The following PPP3R1 variants were observed in gnomAD, a reference collection of about 807,000 sequenced individuals.
PPP3R1 encodes protein phosphatase 3 regulatory subunit B, alpha, also known as calcineurin subunit B type 1.
A neutral mutation model predicts 22.6 loss-of-function variants in PPP3R1; 5 were observed. The observed-to-expected ratio is 0.22, with a 90% CI of 0.12 to 0.46. The LOEUF is 0.46. Among genes scored for constraint, PPP3R1 ranks in the 20% least tolerant of loss-of-function variants. The pLI, the probability that PPP3R1 is intolerant of heterozygous loss-of-function variation, is 0.99. For synonymous variants in PPP3R1, 56 were observed against 65.2 expected, an observed-to-expected ratio of 0.86 and a Z score of 0.68; for missense variants, 61 against 203.2, an observed-to-expected ratio of 0.30 and a Z score of 4.25.
intron 2 of PPP3R1, among the ~76,000 whole-genome samples, chr2:68,192,916 TTA>T (rs1674696079): frequency 6.6e-6 from 1 of 152,158 alleles, no homozygotes. Context: ...CTCCATTTCC[TTA>T]TAAACCTCCT....
At chr2:68,224,786 C>T (rs1377908423) in intron 1 of PPP3R1, among the ~76,000 whole-genome samples, 2 of 151,618 alleles carry the variant, frequency 1.3e-5, no homozygotes, top group Admixed American at 1.3e-4. Context: ...GAAAGGTTTC[C>T]AGGTAATTAA....
At chr2:68,237,797 A>G (rs909553803) in intron 1 of PPP3R1, among the ~76,000 whole-genome samples, 2 of 152,168 alleles carry the variant, frequency 1.3e-5, no homozygotes, top group African/African-American at 4.8e-5. Flanking sequence ...TAAGTGAAGG[A>G]TATCAAAGAT....
intron 2 of PPP3R1, among the ~76,000 whole-genome samples, chr2:68,210,227 T>C (rs1016594268): frequency 1.2e-4 from 19 of 152,312 alleles, no homozygotes; most frequent in South Asian, 4.1e-4. Flanking sequence ...TTCCCAACCA[T>C]TGTCCTTTCA....
intron 2 of PPP3R1, among the ~76,000 whole-genome samples, chr2:68,204,637 G>A (rs1010283706): frequency 1.3e-5 from 2 of 152,158 alleles, no homozygotes; most frequent in Non-Finnish European, 2.9e-5. Context: ...AGGCTAATAT[G>A]AGAATTAAAA....
In PPP3R1 at chr2:68,203,717, G is replaced by A. The variant is rs181335415; in HGVS notation, c.43+13375C>T. ...CTCCCTGAGACGAATGTGATTAAGA[G>A]CAGACATTAACAGCAAAGTTATTAT... On this transcript the variant is annotated intron_variant, in intron 2 of 5. Coordinates refer to ENST00000234310, the MANE Select transcript of PPP3R1 (RefSeq NM_000945.4). Among the ~76,000 whole-genome samples the A allele has an allele frequency of 2.6e-3, 390 of 152,224 alleles. 4 individuals are homozygous for A. Among genetic ancestry groups the A allele is most frequent in the African/African-American group, 9.1e-3 (379 of 41,534 alleles).
rs115258286 is a variant in PPP3R1 at position 68,197,290 on chromosome 2, G to A, written c.44-8600C>T. Among the ~76,000 whole-genome samples, 1,083 of 152,188 alleles carry A rather than the reference G, an allele frequency of 7.1e-3. 16 individuals are homozygous for A. The highest frequency in any genetic ancestry group is 0.024 in the African/African-American group (1,007 of 41,524). Reference sequence around the variant, plus strand: ...AATTTCATGTCTACAGGATCATACAGTAGGTACTCGCGTCTATCTTCTTTT... The same window carrying A: ...AATTTCATGTCTACAGGATCATACAATAGGTACTCGCGTCTATCTTCTTTT... On this transcript the variant is annotated intron_variant, in intron 2 of 5. Coordinates refer to ENST00000234310, the MANE Select transcript of PPP3R1 (RefSeq NM_000945.4).
chr2:68,213,982 T>C (rs1261662321), intron 2 of PPP3R1, among the ~76,000 whole-genome samples: 3 of 152,024 alleles, frequency 2.0e-5, no homozygotes, highest in Non-Finnish European at 2.9e-5. Flanking sequence ...TGGAACAGAA[T>C]AGAGAGCCCA....
At chr2:68,208,333 A>G (rs1028300440) in intron 2 of PPP3R1, among the ~76,000 whole-genome samples, 4 of 152,240 alleles carry the variant, frequency 2.6e-5, no homozygotes, top group African/African-American at 4.8e-5. Flanking sequence ...AAGAGGGTTC[A>G]GTAAGCTTTT....
At chr2:68,198,849 C>T (rs1243754454) in intron 2 of PPP3R1, among the ~76,000 whole-genome samples, 1 of 152,022 alleles carries the variant, frequency 6.6e-6, no homozygotes, top group African/African-American at 2.4e-5. Flanking sequence ...TTTTTAAGTT[C>T]CAATAATTTT....
At chr2:68,234,858 T>TA (rs1223122841) in intron 1 of PPP3R1, among the ~76,000 whole-genome samples, 1 of 152,058 alleles carries the variant, frequency 6.6e-6, no homozygotes, top group Admixed American at 6.6e-5. Flanking sequence ...AAACAAGAAA[T>TA]AAAGTCCTAG....
intron 1 of PPP3R1, among the ~76,000 whole-genome samples, chr2:68,237,085 T>C (rs1175920080): frequency 1.3e-5 from 2 of 152,160 alleles, no homozygotes; most frequent in African/African-American, 2.4e-5. Context: ...AAACTGCTTA[T>C]TATTTAAGTC....
At chr2:68,198,478 T>C (rs1488961046) in intron 2 of PPP3R1, among the ~76,000 whole-genome samples, 1 of 150,088 alleles carries the variant, frequency 6.7e-6, no homozygotes, top group Non-Finnish European at 1.5e-5. Context: ...TATGCGTATG[T>C]ATATATATGT....
At position 68,200,932 on chromosome 2, in the gene PPP3R1, G is replaced by A. The variant is rs1674962858; in HGVS notation, c.44-12242C>T. On this transcript the variant is annotated intron_variant, in intron 2 of 5. Transcript: ENST00000234310. ...ATTATGGTTCAAATCAATACAGGCA[G>A]TAAGTTAATGAAAAGCATGTATTCA... Among the ~76,000 whole-genome samples, 3 of 152,144 alleles carry A rather than the reference G, an allele frequency of 2.0e-5. No individual in the cohort carries two copies. The South Asian group carries it at 6.2e-4, about 31-fold the overall frequency.
At chr2:68,193,114 T>G (rs948690929) in intron 2 of PPP3R1, among the ~76,000 whole-genome samples, 2 of 152,160 alleles carry the variant, frequency 1.3e-5, no homozygotes, top group African/African-American at 4.8e-5. Context: ...CATTATAAAG[T>G]AGTTGATATC....
At chr2:68,200,248 A>G (rs1472057955) in intron 2 of PPP3R1, among the ~76,000 whole-genome samples, 2 of 144,788 alleles carry the variant, frequency 1.4e-5, no homozygotes, top group Non-Finnish European at 2.9e-5. Context: ...ATCTGCAATG[A>G]TTTCAGTGCT....
At chr2:68,237,277 C>T (rs1572976204) in intron 1 of PPP3R1, among the ~76,000 whole-genome samples, 1 of 152,086 alleles carries the variant, frequency 6.6e-6, no homozygotes. Flanking sequence ...ATGTAAAAAG[C>T]ATTTTACAAT....
chr2:68,232,598 T>TTTGTTG (rs560474956), intron 1 of PPP3R1, among the ~76,000 whole-genome samples: 14 of 151,778 alleles, frequency 9.2e-5, no homozygotes, highest in African/African-American at 1.9e-4. Context: ...TTACAGTGTT[T>TTTGTTG]TTGTTGTTGT....
At position 68,186,671 on chromosome 2, in the gene PPP3R1, A is replaced by C. The variant is rs1179179952; in HGVS notation, c.281-19T>G. 5 of 1,562,608 alleles carry C rather than the reference A, an allele frequency of 3.2e-6. No homozygotes were observed. In the Admixed American group the frequency reaches 5.6e-5, roughly 18 times the overall value. On this transcript the variant is annotated intron_variant, in intron 4 of 5. Transcript: ENST00000234310. The stretch of plus-strand genomic sequence containing the variant: ...AAAGCAACTAAAAAAAAGGAAGGAA[A>C]ATCAATTCCAATTACAAAGCAATCA...
At position 68,217,047 on chromosome 2, in the gene PPP3R1, G is replaced by GAA; in HGVS notation, c.43+44_43+45insTT. The GAA allele has an allele frequency of 2.9e-6, 4 of 1,399,988 alleles. 1 individual carries two copies. Among genetic ancestry groups the GAA allele is most frequent in the Non-Finnish European group, 4.0e-6 (4 of 1,012,330 alleles). The allele number at this position is 1,399,988 out of a possible 1,614,324, so 86.7% of individuals were successfully genotyped here. On this transcript the variant is annotated intron_variant, in intron 2 of 5. Transcript: ENST00000234310. ...ACACACACACACACACACAGAGAGA[G>GAA]ATGAGTGAATAAAAGTAACTTTTGG...
Sources: gnomAD v4.1 joint callset for allele counts (sites outside exome capture counted in the v4.1 genomes callset) on GRCh38, gnomAD v4.1.1 for gene constraint, MANE v1.5 for transcripts, NCBI Gene and HGNC (gene_info 2026-07-23, HGNC 2026-07-21) for gene names.